CHD9: variants seen among roughly 807,000 people sequenced by gnomAD.
CHD9 encodes the protein ATP-dependent chromatin remodeler CHD9.
In CHD9, 77 loss-of-function variants were observed where a neutral mutation model predicts 316.1. That is an observed-to-expected ratio of 0.24 (90% CI 0.20 to 0.29). The LOEUF (loss-of-function observed/expected upper bound fraction) is 0.29, where lower values mean the gene tolerates loss of function less well. Ranked by LOEUF, CHD9 falls within the 10% of genes least tolerant of loss-of-function variation. The pLI, the probability that CHD9 is intolerant of heterozygous loss-of-function variation, is 1.00. For synonymous variants in CHD9, 1,129 were observed against 1,158.3 expected (o/e 0.97, Z 0.51); for missense variants, 2,763 against 3,438.1 (o/e 0.80, Z 4.91).
At chr16:53,321,500 G>A in intron 37 of CHD9, 26 bp from the exon 38 acceptor site, 1 of 1,516,546 alleles carries the variant, frequency 6.6e-7, no homozygotes, top group Non-Finnish European at 8.9e-7. Flanking sequence ...CAGTGTTGTA[G>A]TATTTAATCT....
intron 4 of CHD9, 101 bp downstream of exon 4, chr16:53,222,856 T>A: frequency 1.7e-6 from 1 of 598,606 alleles, no homozygotes; most frequent in Non-Finnish European, 3.0e-6. Context: ...GAAGTAAAAA[T>A]ACATTTTGTA....
intron 17 of CHD9, among the ~76,000 whole-genome samples, chr16:53,252,164 A>G (rs1017329087): frequency 9.2e-5 from 14 of 152,242 alleles, no homozygotes; most frequent in African/African-American, 3.4e-4. Flanking sequence ...CTGTAAGGCC[A>G]TAGTCATCAA....
chr16:53,262,499 T>A (rs1013026961), intron 19 of CHD9, among the ~76,000 whole-genome samples: 7 of 152,170 alleles, frequency 4.6e-5, no homozygotes, highest in Non-Finnish European at 8.8e-5. Flanking sequence ...AAAGAGTTTT[T>A]AAAATGACAA....
At chr16:53,060,361 C>T (rs2032721341) in intron 1 of CHD9, among the ~76,000 whole-genome samples, 1 of 152,006 alleles carries the variant, frequency 6.6e-6, no homozygotes, top group Admixed American at 6.6e-5. Flanking sequence ...TGCCTGTAGC[C>T]CCAGCACTTT....
chr16:53,249,142 GTTTC>G (rs1200731483), intron 16 of CHD9, among the ~76,000 whole-genome samples: 1 of 151,980 alleles, frequency 6.6e-6, no homozygotes, highest in African/African-American at 2.4e-5. Flanking sequence ...AAAATTCAGA[GTTTC>G]TTTATTGTCA....
chr16:53,178,604 G>A (rs2043258217), intron 2 of CHD9, among the ~76,000 whole-genome samples: 1 of 151,686 alleles, frequency 6.6e-6, no homozygotes, highest in African/African-American at 2.4e-5. Flanking sequence ...AGTTAGCTGG[G>A]CGTGGTGGCA....
In CHD9 at chr16:53,242,867, T is replaced by G; in HGVS notation, c.2905T>G (p.Phe969Val). 6.2e-7 allele frequency: 1 copy of G among 1,613,470 alleles called. No individual in the cohort carries two copies. The highest frequency in any genetic ancestry group is 8.5e-7 in the Non-Finnish European group (1 of 1,179,586). ...GCGTATCATTCGAGGAGCTTACAGA[T>G]TCCAAGCCATCATCACCACTTTTGA... The part of the protein sequence containing the change: ...QGRIIRGAYR[F>V]QAIITTFEMI... The change falls in exon 13 of 39, where the codon TTC becomes GTC. Residue 969 changes from phenylalanine (F) to valine (V), a missense_variant. Coordinates refer to ENST00000447540, the MANE Select transcript of CHD9 (RefSeq NM_001308319.2).
chr16:53,144,943 G>T (rs1330988147), intron 1 of CHD9, among the ~76,000 whole-genome samples: 1 of 146,172 alleles, frequency 6.8e-6, no homozygotes, highest in African/African-American at 2.6e-5. Flanking sequence ...AGTGAGCTAT[G>T]ATCATGCCAC....
chr16:53,296,490 G>T (rs1029869462), intron 29 of CHD9, among the ~76,000 whole-genome samples: 1 of 131,602 alleles, frequency 7.6e-6, no homozygotes, highest in African/African-American at 3.0e-5. Flanking sequence ...GCCCAGGCTA[G>T]AGTGCAGTGG....
At chr16:53,215,340 GAAAAAGGATGTCC>G (rs1030808011) in intron 3 of CHD9, among the ~76,000 whole-genome samples, 3 of 152,278 alleles carry the variant, frequency 2.0e-5, no homozygotes, top group Non-Finnish European at 2.9e-5. Context: ...CAGCCTTTCT[GAAAAAGGATGTCC>G]AACTTTAAAC....
intron 2 of CHD9, among the ~76,000 whole-genome samples, chr16:53,159,584 T>G (rs1326831856): frequency 6.6e-6 from 1 of 152,110 alleles, no homozygotes; most frequent in Non-Finnish European, 1.5e-5. Context: ...ATCTTTGTCT[T>G]TCCCATTGGA....
chr16:53,243,553 T>A (rs2049290078), intron 13 of CHD9, among the ~76,000 whole-genome samples: 2 of 152,226 alleles, frequency 1.3e-5, no homozygotes, highest in Admixed American at 1.3e-4. Context: ...CCTCAGGTTA[T>A]CCACCCGCCT....
At chr16:53,248,823 G>A (rs2049896903) in intron 16 of CHD9, among the ~76,000 whole-genome samples, 1 of 152,026 alleles carries the variant, frequency 6.6e-6, no homozygotes, top group Non-Finnish European at 1.5e-5. Flanking sequence ...CACCTGGCTT[G>A]CAGATTTTAA....
intron 2 of CHD9, among the ~76,000 whole-genome samples, chr16:53,178,271 G>A (rs1246819923): frequency 6.6e-6 from 1 of 152,144 alleles, no homozygotes; most frequent in Non-Finnish European, 1.5e-5. Flanking sequence ...CAGTGACACA[G>A]ATTTGTGAAG....
chr16:53,177,206 T>C (rs1457216619), intron 2 of CHD9, among the ~76,000 whole-genome samples: 1 of 152,176 alleles, frequency 6.6e-6, no homozygotes, highest in African/African-American at 2.4e-5. Flanking sequence ...TCTGCCTGCT[T>C]TGGCCTCCTA....
chr16:53,130,758 G>T (rs1262820091), intron 1 of CHD9, among the ~76,000 whole-genome samples: 1 of 151,890 alleles, frequency 6.6e-6, no homozygotes, highest in African/African-American at 2.4e-5. Flanking sequence ...AGGAGGGAAG[G>T]GGAGCGGCGA....
chr16:53,118,877 T>C (rs56243913), intron 1 of CHD9, among the ~76,000 whole-genome samples: 41,966 of 150,542 alleles, frequency 0.28, 7,030 homozygotes, highest in Non-Finnish European at 0.38. Context: ...ACTGCAACCT[T>C]CACCTCCCGG....
At chr16:53,127,434 A>C (rs2039019046) in intron 1 of CHD9, among the ~76,000 whole-genome samples, 1 of 152,248 alleles carries the variant, frequency 6.6e-6, no homozygotes, top group African/African-American at 2.4e-5. Context: ...AAGATGCCAA[A>C]TTAGTTACTA....
chr16:53,281,666 T>G (rs2053429153), intron 24 of CHD9, among the ~76,000 whole-genome samples: 1 of 152,142 alleles, frequency 6.6e-6, no homozygotes. Context: ...TGTACGTACT[T>G]TCTTTACTGT....
Sources: allele counts gnomAD v4.1 joint callset (sites outside exome capture counted in the v4.1 genomes callset), GRCh38; gene constraint gnomAD v4.1.1; transcripts MANE v1.5; gene names NCBI Gene and HGNC (gene_info 2026-07-23, HGNC 2026-07-21).